B3GALT1: variants seen among roughly 807,000 people sequenced by gnomAD.
B3GALT1 encodes beta-1,3-galactosyltransferase 1, also known as UDP-Gal:betaGlcNAc beta 1,3-galactosyltransferase, polypeptide 1.
In B3GALT1, 10 loss-of-function variants were observed where a neutral mutation model predicts 23.2. The ratio of observed to expected loss-of-function variants is 0.43; its 90% confidence interval spans 0.27 to 0.73. The LOEUF (loss-of-function observed/expected upper bound fraction) is 0.73, where lower values mean the gene tolerates loss of function less well. Among genes scored for constraint, B3GALT1 ranks in the 30% least tolerant of loss-of-function variants. B3GALT1 has a pLI of 0.21. For synonymous variants in B3GALT1, 156 were observed against 141.5 expected (o/e 1.10, Z -0.73); for missense variants, 299 against 405.4 (o/e 0.74, Z 2.25).
intron 1 of B3GALT1, among the ~76,000 whole-genome samples, chr2:167,452,840 A>G (rs1470027961): frequency 6.6e-6 from 1 of 152,188 alleles, no homozygotes; most frequent in Non-Finnish European, 1.5e-5. Context: ...CTAGTTTAAT[A>G]TAACTCTGGT....
chr2:167,643,464 G>T (rs1685690766), intron 2 of B3GALT1, among the ~76,000 whole-genome samples: 1 of 152,000 alleles, frequency 6.6e-6, no homozygotes, highest in African/African-American at 2.4e-5. Context: ...AAGTGGTAGG[G>T]GAAAGAAAAG....
chr2:167,293,078 C>A lies in B3GALT1; in HGVS notation c.-767C>A, dbSNP rs985689430. 3 of 151,148 alleles carry A rather than the reference C, an allele frequency of 2.0e-5. No homozygotes were observed. The highest frequency in any genetic ancestry group is 4.8e-5 in the African/African-American group (2 of 41,316). The allele number at this position is 151,148 out of a possible 1,614,324, so 9.4% of individuals were successfully genotyped here. A position where few individuals can be genotyped will look rare whatever the true frequency, so the allele number is the denominator to read the frequency against. ...CGGCTGCTCGGCTAGTGCAGCTGGG[C>A]GAGCTCGCGCGGGCGCCGCCGCCGC... On this transcript the variant is annotated 5_prime_UTR_variant, in exon 1 of 5. Coordinates refer to ENST00000392690, the MANE Select transcript of B3GALT1 (RefSeq NM_020981.4).
Position 167,870,011 on chromosome 2 carries a change from C to T in B3GALT1, c.972C>T (p.Leu324=), listed in dbSNP as rs368401399. 10 of 1,594,840 alleles carry T rather than the reference C, an allele frequency of 6.3e-6. No individual in the cohort carries two copies. Among genetic ancestry groups the T allele is most frequent in the Non-Finnish European group, 8.6e-6 (10 of 1,167,176 alleles). ...IWNDMSSKKH[L]RC ...ATGACATGTCAAGCAAGAAACATCTCAGATGTTAGGATTTTTACCAATGTA... is the reference window on the plus strand; with the variant it reads ...ATGACATGTCAAGCAAGAAACATCTTAGATGTTAGGATTTTTACCAATGTA... Residue 324 remains leucine (L), a synonymous_variant, in exon 5 of 5, where the codon CTC becomes CTT. Transcript: ENST00000392690.
chr2:167,644,779 TAAAAAAAAAAAA>T (rs199652424), intron 2 of B3GALT1, among the ~76,000 whole-genome samples: 23,394 of 91,982 alleles, frequency 0.25, 2,601 homozygotes, highest in South Asian at 0.39. Flanking sequence ...GACTCTGTCT[TAAAAAAAAAAAA>T]AAAAAAAAAA....
Position 167,784,700 on chromosome 2 carries a change from T to A in B3GALT1, c.-351-33972T>A, listed in dbSNP as rs1688312748. Among the ~76,000 whole-genome samples, 7 of 152,274 alleles carry A rather than the reference T, an allele frequency of 4.6e-5. 1 individual carries two copies. The South Asian group carries it at 1.5e-3, about 32-fold the overall frequency. Reference sequence around the variant, plus strand: ...TCTGTGGCAATGAAAATGATGAATATCTGGACTACGTAAATACTTAGAAAG... The same window carrying A: ...TCTGTGGCAATGAAAATGATGAATAACTGGACTACGTAAATACTTAGAAAG... On this transcript the variant is annotated intron_variant, in intron 3 of 4. Coordinates refer to ENST00000392690, the MANE Select transcript of B3GALT1 (RefSeq NM_020981.4).
chr2:167,447,933 C>T (rs1056330282), intron 1 of B3GALT1, among the ~76,000 whole-genome samples: 3 of 152,130 alleles, frequency 2.0e-5, no homozygotes, highest in Non-Finnish European at 1.5e-5. Flanking sequence ...CCATCTTCTG[C>T]GTCGCTCATA....
chr2:167,852,526 T>C (rs1689923194), intron 4 of B3GALT1, among the ~76,000 whole-genome samples: 1 of 151,436 alleles, frequency 6.6e-6, no homozygotes, highest in Non-Finnish European at 1.5e-5. Context: ...CATCTTCCAC[T>C]AGGATTATTT....
At chr2:167,636,637 A>G (rs766488870) in intron 2 of B3GALT1, among the ~76,000 whole-genome samples, 1 of 152,188 alleles carries the variant, frequency 6.6e-6, no homozygotes, top group Non-Finnish European at 1.5e-5. Flanking sequence ...TATATACACC[A>G]TGGAATACTA....
intron 2 of B3GALT1, among the ~76,000 whole-genome samples, chr2:167,512,579 T>TAG (rs199518665): frequency 1.0e-5 from 1 of 99,842 alleles, no homozygotes; most frequent in Non-Finnish European, 2.0e-5. Context: ...TATATATATA[T>TAG]GTATATATAT....
rs77016947 is a variant in B3GALT1 at position 167,627,662 on chromosome 2, T to C, written c.-409-19247T>C. ...TGTACAGGTTTTATGTGAACTTATATCTTTTTTTATTTTGGGTAAAGACCT... is the reference window on the plus strand; with the variant it reads ...TGTACAGGTTTTATGTGAACTTATACCTTTTTTTATTTTGGGTAAAGACCT... On this transcript the variant is annotated intron_variant, in intron 2 of 4. Transcript: ENST00000392690. 2.0e-5 allele frequency among the ~76,000 whole-genome samples: 3 copies of C among 151,836 alleles called. No individual in the cohort carries two copies. In the East Asian group the frequency reaches 5.8e-4, roughly 29 times the overall value.
At chr2:167,843,229 T>G (rs1446115770) in intron 4 of B3GALT1, among the ~76,000 whole-genome samples, 1 of 152,236 alleles carries the variant, frequency 6.6e-6, no homozygotes, top group Non-Finnish European at 1.5e-5. Flanking sequence ...CTGATGTATT[T>G]TTAGTCTAAT....
intron 1 of B3GALT1, among the ~76,000 whole-genome samples, chr2:167,298,167 A>G (rs138031785): frequency 1.7e-4 from 26 of 152,280 alleles, no homozygotes; most frequent in Non-Finnish European, 1.9e-4. Context: ...GCTAAGCAGA[A>G]ATCAGGTATT....
intron 2 of B3GALT1, among the ~76,000 whole-genome samples, chr2:167,636,435 C>G: frequency 6.6e-6 from 1 of 152,024 alleles, no homozygotes; most frequent in South Asian, 2.1e-4. Context: ...GGTAATTCCT[C>G]AAGGATCTAT....
chr2:167,466,098 G>T (rs1309123090), intron 1 of B3GALT1, among the ~76,000 whole-genome samples: 4 of 152,148 alleles, frequency 2.6e-5, no homozygotes, highest in Non-Finnish European at 4.4e-5. Context: ...GCAACCTCAT[G>T]CCTTATAGTT....
intron 3 of B3GALT1, among the ~76,000 whole-genome samples, chr2:167,817,706 A>C (rs1422598533): frequency 6.6e-6 from 1 of 152,234 alleles, no homozygotes; most frequent in Non-Finnish European, 1.5e-5. Context: ...ATTTCATATG[A>C]GGACCCATCA....
intron 3 of B3GALT1, among the ~76,000 whole-genome samples, chr2:167,649,261 AAC>A (rs1685812846): frequency 6.6e-6 from 1 of 152,122 alleles, no homozygotes; most frequent in Admixed American, 6.6e-5. Flanking sequence ...TAATAAATGT[AAC>A]ACAGAATTTC....
intron 1 of B3GALT1, among the ~76,000 whole-genome samples, chr2:167,310,413 A>G (rs879550577): frequency 6.6e-5 from 10 of 152,062 alleles, no homozygotes; most frequent in Non-Finnish European, 8.8e-5. Flanking sequence ...TAGGAAGTGT[A>G]TTTTTGAAGG....
At chr2:167,314,858 A>G (rs1468000724) in intron 1 of B3GALT1, among the ~76,000 whole-genome samples, 1 of 152,146 alleles carries the variant, frequency 6.6e-6, no homozygotes, top group East Asian at 1.9e-4. Context: ...ATATGGATAT[A>G]TAACCTCATA....
Position 167,594,952 on chromosome 2 carries a change from T to C in B3GALT1, c.-409-51957T>C, listed in dbSNP as rs1020812932. Among the ~76,000 whole-genome samples the C allele has an allele frequency of 2.0e-5, 3 of 152,158 alleles. No homozygotes were observed. The South Asian group carries it at 6.2e-4, about 32-fold the overall frequency. On this transcript the variant is annotated intron_variant, in intron 2 of 4. Transcript: ENST00000392690. ...AAAACTTGGATAATGGACAAACGTGTGGGCAGCTGCTTGTTCTGAACTTCA... is the reference window on the plus strand; with the variant it reads ...AAAACTTGGATAATGGACAAACGTGCGGGCAGCTGCTTGTTCTGAACTTCA...
Sources: allele counts gnomAD v4.1 joint callset (sites outside exome capture counted in the v4.1 genomes callset), GRCh38; gene constraint gnomAD v4.1.1; transcripts MANE v1.5; gene names NCBI Gene and HGNC (gene_info 2026-07-23, HGNC 2026-07-21).